TGFBRAP1: variants seen among roughly 807,000 people sequenced by gnomAD.
TGFBRAP1 encodes the protein transforming growth factor-beta receptor-associated protein 1.
TGFBRAP1 carries 20 observed loss-of-function variants against 83.2 expected under a neutral mutation model. That is an observed-to-expected ratio of 0.24 (90% CI 0.17 to 0.35). The LOEUF (loss-of-function observed/expected upper bound fraction) is 0.35, where lower values mean the gene tolerates loss of function less well. Ranked by LOEUF, TGFBRAP1 falls within the 10% of genes least tolerant of loss-of-function variation. The pLI, the probability that TGFBRAP1 is intolerant of heterozygous loss-of-function variation, is 1.00. For synonymous variants in TGFBRAP1, 415 were observed against 459.8 expected (o/e 0.90, Z 1.25); for missense variants, 950 against 1,099.4 (o/e 0.86, Z 1.92).
At chr2:105,283,012 T>C (rs1677595620) in intron 5 of TGFBRAP1, among the ~76,000 whole-genome samples, 1 of 152,104 alleles carries the variant, frequency 6.6e-6, no homozygotes, top group African/African-American at 2.4e-5. Flanking sequence ...CTGTGGACAA[T>C]CACCTAATGT....
At chr2:105,304,308 A>G (rs1678412004) in intron 2 of TGFBRAP1, among the ~76,000 whole-genome samples, 1 of 152,228 alleles carries the variant, frequency 6.6e-6, no homozygotes. Flanking sequence ...TGATGTCTCT[A>G]CCAGGTTCAT....
intron 1 of TGFBRAP1, 74 bp from the exon 2 acceptor site, chr2:105,308,392 G>T: frequency 7.5e-7 from 1 of 1,328,922 alleles, no homozygotes. Flanking sequence ...ATAATGATAC[G>T]TGGATTCCCT....
intron 3 of TGFBRAP1, among the ~76,000 whole-genome samples, chr2:105,298,058 T>C (rs7587889): frequency 0.047 from 7,162 of 152,228 alleles, 196 homozygotes; most frequent in African/African-American, 0.074. Context: ...ACGCTGCCCC[T>C]TCAAACACAC....
downstream of TGFBRAP1, among the ~76,000 whole-genome samples, chr2:105,262,069 G>A (rs1676801642): frequency 6.6e-6 from 1 of 152,124 alleles, no homozygotes; most frequent in South Asian, 2.1e-4. Context: ...AGACCACACT[G>A]CTACCCTGCC....
intron 1 of TGFBRAP1, among the ~76,000 whole-genome samples, chr2:105,328,398 C>T (rs1679280849): frequency 1.3e-5 from 2 of 152,186 alleles, no homozygotes; most frequent in South Asian, 4.1e-4. Context: ...TGAGGCTGCT[C>T]GGCTGGCAGA....
rs760265735 is a variant in TGFBRAP1, at chr2:105,269,506, C to A, written c.2172G>T (p.Leu724=). 6.2e-7 allele frequency: 1 copy of A among 1,613,062 alleles called. No individual in the cohort carries two copies. Among genetic ancestry groups the A allele is most frequent in the South Asian group, 1.1e-5 (1 of 90,932 alleles). Residue 724 remains leucine, a synonymous_variant, in exon 11 of 12, where the codon CTG becomes CTT. Coordinates refer to ENST00000393359, the MANE Select transcript of TGFBRAP1 (RefSeq NM_004257.6). This position sits in a 1 kb window ranked among gnomAD's most constrained non-coding sequence, Gnocchi z 4.1. ...QLFHTLLAIY[L]HAGPTAHELA... ...GCTCGTGGGCAGTGGGGCCAGCATGCAGGTAGATGGCCAGCAGCGTGTGAA... is the reference window on the plus strand; with the variant it reads ...GCTCGTGGGCAGTGGGGCCAGCATGAAGGTAGATGGCCAGCAGCGTGTGAA...
intron 10 of TGFBRAP1, 68 bp downstream of exon 10, chr2:105,272,787 C>T (rs1677202291): frequency 6.3e-7 from 1 of 1,586,254 alleles, no homozygotes; most frequent in Admixed American, 1.8e-5. Flanking sequence ...AAGCCCTTCT[C>T]TCTGCTTCCT....
At chr2:105,315,454 A>T (rs1480822393) in intron 1 of TGFBRAP1, among the ~76,000 whole-genome samples, 1 of 152,106 alleles carries the variant, frequency 6.6e-6, no homozygotes, top group Non-Finnish European at 1.5e-5. Context: ...TGGGAGAAAA[A>T]TTTGTAATGC....
At chr2:105,300,778 G>A (rs1427088879) in intron 2 of TGFBRAP1, among the ~76,000 whole-genome samples, 1 of 152,152 alleles carries the variant, frequency 6.6e-6, no homozygotes, top group African/African-American at 2.4e-5. Flanking sequence ...ATTGGCACGT[G>A]AATAGGCAAA....
chr2:105,288,925 G>GAATA (rs1677807447), intron 4 of TGFBRAP1, among the ~76,000 whole-genome samples: 2 of 152,108 alleles, frequency 1.3e-5, no homozygotes, highest in Non-Finnish European at 2.9e-5. Context: ...ATCACAATAA[G>GAATA]TGTTAGAATA....
intron 6 of TGFBRAP1, among the ~76,000 whole-genome samples, chr2:105,278,276 C>T (rs938040457): frequency 1.3e-5 from 2 of 152,156 alleles, no homozygotes; most frequent in African/African-American, 2.4e-5. Flanking sequence ...AGTTGCTTTA[C>T]AATTTGCTTC....
At chr2:105,316,458 T>TGA (rs1356366345) in intron 1 of TGFBRAP1, among the ~76,000 whole-genome samples, 1 of 67,070 alleles carries the variant, frequency 1.5e-5, no homozygotes, top group Non-Finnish European at 3.1e-5. Context: ...TGTGTGTGTG[T>TGA]GTGTGCGCGC....
chr2:105,308,571 C>T (rs2104395546), intron 1 of TGFBRAP1, among the ~76,000 whole-genome samples: 1 of 152,190 alleles, frequency 6.6e-6, no homozygotes, highest in African/African-American at 2.4e-5. Context: ...TGATCACGTG[C>T]CATCCTGCTC....
At chr2:105,274,276 A>C (rs1181672518) in intron 8 of TGFBRAP1, among the ~76,000 whole-genome samples, 2 of 152,186 alleles carry the variant, frequency 1.3e-5, no homozygotes, top group East Asian at 3.9e-4. Flanking sequence ...CCTCTGGTTC[A>C]AGGAAAGGAC....
At chr2:105,321,420 G>A (rs1360287185) in intron 1 of TGFBRAP1, among the ~76,000 whole-genome samples, 1 of 152,118 alleles carries the variant, frequency 6.6e-6, no homozygotes, top group South Asian at 2.1e-4. Flanking sequence ...TGCCCACCTC[G>A]GCCTTCCAAA....
At chr2:105,252,912 C>T in the TGFBRAP1 span, among the ~76,000 whole-genome samples, 2 of 151,518 alleles carry the variant, frequency 1.3e-5, no homozygotes, top group African/African-American at 4.9e-5. Flanking sequence ...ACCACCACAC[C>T]CGGACAATTT....
At chr2:105,294,917 C>T (rs1678031250) in intron 4 of TGFBRAP1, among the ~76,000 whole-genome samples, 1 of 151,998 alleles carries the variant, frequency 6.6e-6, no homozygotes, top group Non-Finnish European at 1.5e-5. Context: ...TGTGGCCCCC[C>T]TGGACTTCCA....
At chr2:105,276,566 C>T (rs535043058) in intron 7 of TGFBRAP1, among the ~76,000 whole-genome samples, 1 of 152,266 alleles carries the variant, frequency 6.6e-6, no homozygotes, top group Admixed American at 6.5e-5. Flanking sequence ...TTGAAATATG[C>T]CATTTTATAT....
chr2:105,296,378 T>C lies in TGFBRAP1; in HGVS notation c.1016A>G (p.Asn339Ser), dbSNP rs375638406. ...AACCTGAAATTTTTCCTTTGGAATG[T>C]TCCTCCGGGCTCCTTTTGCTAAAAC... Reference protein sequence around the residue: ...ALVLAKGARRNIPKEKFQVMY... With the variant: ...ALVLAKGARRSIPKEKFQVMY... The change falls in exon 4 of 12, where the codon AAC (asparagine) becomes AGC (serine). Residue 339 changes from asparagine to serine, a missense_variant. Coordinates refer to ENST00000393359, the MANE Select transcript of TGFBRAP1 (RefSeq NM_004257.6). 6.2e-7 allele frequency: 1 copy of C among 1,613,894 alleles called. No individual in the cohort carries two copies.
Sources: gnomAD v4.1 joint callset for allele counts (sites outside exome capture counted in the v4.1 genomes callset) on GRCh38, gnomAD v4.1.1 for gene constraint, Gnocchi (gnomAD v3.1) non-coding constraint, MANE v1.5 for transcripts, NCBI Gene and HGNC (gene_info 2026-07-23, HGNC 2026-07-21) for gene names.